TAF3: variants seen among roughly 807,000 people sequenced by gnomAD.
TAF3 encodes TATA-box binding protein associated factor 3, also known as transcription initiation factor TFIID subunit 3.
Under a neutral mutation model 80.6 loss-of-function variants are expected in TAF3, and 7 were observed. The ratio of observed to expected loss-of-function variants is 0.09; its 90% CI spans 0.05 to 0.16. The LOEUF is 0.16. Ranked by LOEUF, TAF3 falls within the 10% of genes least tolerant of loss-of-function variation. The pLI is 1.00. For missense variants in TAF3, 921 were observed against 1,140.2 expected (o/e 0.81, Z 2.77); for synonymous variants, 444 against 446.1 (o/e 1.00, Z 0.06).
intron 2 of TAF3, among the ~76,000 whole-genome samples, chr10:7,934,455 A>T (rs879766079): frequency 8.6e-5 from 13 of 151,790 alleles, no homozygotes; most frequent in Non-Finnish European, 1.2e-4. Flanking sequence ...TTATTTATTT[A>T]TTTATTTGAG....
chr10:7,886,878 A>G (rs1470105209), intron 2 of TAF3, among the ~76,000 whole-genome samples: 1 of 152,202 alleles, frequency 6.6e-6, no homozygotes, highest in Admixed American at 6.5e-5. Flanking sequence ...AATTTTAAAT[A>G]CCATCTCTAA....
At chr10:7,908,678 A>G (rs932014684) in intron 2 of TAF3, among the ~76,000 whole-genome samples, 1 of 152,260 alleles carries the variant, frequency 6.6e-6, no homozygotes, top group African/African-American at 2.4e-5. Flanking sequence ...CACAAAGCAC[A>G]TAATGAGGCA....
chr10:8,010,813 G>C (rs1292117892), intron 5 of TAF3, among the ~76,000 whole-genome samples: 2 of 152,160 alleles, frequency 1.3e-5, no homozygotes, highest in Non-Finnish European at 2.9e-5. Context: ...GGGAGGCTCA[G>C]GCACAAGAAT....
At chr10:7,859,296 AAATAAATAAATAAATAAATAAAAG>A (rs1240733077) in intron 2 of TAF3, among the ~76,000 whole-genome samples, 2 of 145,802 alleles carry the variant, frequency 1.4e-5, no homozygotes, top group African/African-American at 5.3e-5. Flanking sequence ...ATAAATAAAT[AAATAAATAAATAAATAAATAAAAG>A]AGAAGTGTGA....
intron 2 of TAF3, among the ~76,000 whole-genome samples, chr10:7,886,213 G>A (rs1042335415): frequency 3.3e-5 from 5 of 152,144 alleles, no homozygotes; most frequent in Non-Finnish European, 7.3e-5. Flanking sequence ...ACAGGTGTAA[G>A]ACACCACACC....
At chr10:7,968,973 A>G (rs1416715647) in intron 3 of TAF3, among the ~76,000 whole-genome samples, 2 of 152,114 alleles carry the variant, frequency 1.3e-5, no homozygotes, top group South Asian at 2.1e-4. Context: ...GGGACTCTAG[A>G]CTGTCACTTA....
intron 2 of TAF3, among the ~76,000 whole-genome samples, chr10:7,866,341 G>A (rs943292528): frequency 2.2e-4 from 34 of 152,206 alleles, no homozygotes; most frequent in Non-Finnish European, 2.4e-4. Context: ...ATGAGGCTGA[G>A]TGCAATGCAC....
intron 2 of TAF3, among the ~76,000 whole-genome samples, chr10:7,903,657 A>C (rs928658848): frequency 1.3e-5 from 2 of 152,244 alleles, no homozygotes; most frequent in African/African-American, 4.8e-5. Flanking sequence ...AAAAATTAGA[A>C]TTATAGAAGC....
intron 2 of TAF3, among the ~76,000 whole-genome samples, chr10:7,917,017 C>G (rs1032182391): frequency 5.9e-5 from 9 of 152,198 alleles, no homozygotes; most frequent in African/African-American, 2.2e-4. Flanking sequence ...CTCACCACTA[C>G]TTACTAAGTT....
chr10:7,896,085 C>T (rs952071047), intron 2 of TAF3, among the ~76,000 whole-genome samples: 1 of 152,202 alleles, frequency 6.6e-6, no homozygotes, highest in Admixed American at 6.5e-5. Context: ...GTTGAAGTAA[C>T]TGCATCGGTT....
intron 2 of TAF3, among the ~76,000 whole-genome samples, chr10:7,939,577 TACACACACACACACACACACACACACAC>T (rs71385681): frequency 2.9e-5 from 4 of 139,304 alleles, no homozygotes; most frequent in Middle Eastern, 7.2e-3. Context: ...AGAAGAAAAC[TACACACACACACACACACACACACACAC>T]ACACACACAC....
intron 2 of TAF3, among the ~76,000 whole-genome samples, chr10:7,867,467 A>G (rs1564351956): frequency 6.6e-6 from 1 of 152,208 alleles, no homozygotes; most frequent in Non-Finnish European, 1.5e-5. Context: ...TTTAAAAATT[A>G]CACCCTGGCT....
At chr10:7,829,966 A>C (rs921998462) in intron 2 of TAF3, among the ~76,000 whole-genome samples, 1 of 152,228 alleles carries the variant, frequency 6.6e-6, no homozygotes, top group African/African-American at 2.4e-5. Context: ...TAACAAAAGT[A>C]ATACAAACTT....
At chr10:7,949,502 T>TCCTC (rs1564369523) in intron 2 of TAF3, among the ~76,000 whole-genome samples, 1 of 152,212 alleles carries the variant, frequency 6.6e-6, no homozygotes, top group Non-Finnish European at 1.5e-5. Flanking sequence ...ATTATGTAAG[T>TCCTC]CCTCCCTTCT....
chr10:7,821,420 T>C (rs1836689457), intron 1 of TAF3, among the ~76,000 whole-genome samples: 1 of 152,178 alleles, frequency 6.6e-6, no homozygotes, highest in Non-Finnish European at 1.5e-5. Context: ...GTACTAGGCA[T>C]TGGAGACATA....
chr10:7,965,439 A>G lies in TAF3; in HGVS notation c.1929A>G (p.Arg643=). Residue 643 remains arginine (R), a synonymous_variant, in exon 3 of 7, where the codon AGA becomes AGG. Transcript: ENST00000344293. The part of the protein sequence containing the change: ...REKEKVKDKG[R]EDKMKAPAPP... Reference sequence around the variant, plus strand: ...AAGAAAAAGTGAAAGATAAAGGCAGAGAAGATAAGATGAAAGCCCCAGCAC... The same window carrying G: ...AAGAAAAAGTGAAAGATAAAGGCAGGGAAGATAAGATGAAAGCCCCAGCAC... The G allele has an allele frequency of 2.5e-6, 4 of 1,613,632 alleles. No homozygotes were observed. Among genetic ancestry groups the G allele is most frequent in the Non-Finnish European group, 3.4e-6 (4 of 1,179,920 alleles).
intron 1 of TAF3, among the ~76,000 whole-genome samples, chr10:7,823,421 A>G (rs1168601903): frequency 2.6e-5 from 4 of 151,866 alleles, no homozygotes; most frequent in African/African-American, 7.3e-5. Context: ...GATTGAGGCC[A>G]GGAGTTCAAA....
chr10:7,902,494 G>A (rs1158544167), intron 2 of TAF3, among the ~76,000 whole-genome samples: 1 of 152,106 alleles, frequency 6.6e-6, no homozygotes, highest in Admixed American at 6.5e-5. Context: ...TATTGACTGC[G>A]TGTGGTTGTT....
At chr10:7,970,688 C>A (rs1393738067) in intron 3 of TAF3, among the ~76,000 whole-genome samples, 3 of 152,150 alleles carry the variant, frequency 2.0e-5, no homozygotes, top group Non-Finnish European at 1.5e-5. Flanking sequence ...AAAGGGATAT[C>A]CTTTACACTT....
Sources: allele counts gnomAD v4.1 joint callset (sites outside exome capture counted in the v4.1 genomes callset), GRCh38; gene constraint gnomAD v4.1.1; transcripts MANE v1.5; gene names NCBI Gene and HGNC (gene_info 2026-07-23, HGNC 2026-07-21).